APIP: variants seen among roughly 807,000 people sequenced by gnomAD.
APIP encodes the protein methylthioribulose-1-phosphate dehydratase.
Under a neutral mutation model 32.0 loss-of-function variants are expected in APIP, and 32 were observed. The observed-to-expected ratio is 1.00, with a 90% CI of 0.76 to 1.34. The LOEUF (loss-of-function observed/expected upper bound fraction) is 1.34. APIP is among the 40% of genes most tolerant of loss of function. APIP has a pLI of 0.00. For synonymous variants in APIP, 92 were observed against 94.8 expected (o/e 0.97, Z 0.17); for missense variants, 247 against 298.6 (o/e 0.83, Z 1.27).
chr11:34,887,839 C>A (rs1853105048), intron 5 of APIP, among the ~76,000 whole-genome samples: 1 of 151,844 alleles, frequency 6.6e-6, no homozygotes. Flanking sequence ...CTGAAAAATT[C>A]TAAAAATATA....
intron 1 of APIP, among the ~76,000 whole-genome samples, chr11:34,895,473 C>A (rs1853254297): frequency 6.6e-6 from 1 of 152,120 alleles, no homozygotes; most frequent in South Asian, 2.1e-4. Context: ...TTTATTTACA[C>A]AAAACACCTT....
chr11:34,905,910 T>C (rs920172555), intron 1 of APIP, among the ~76,000 whole-genome samples: 4 of 152,200 alleles, frequency 2.6e-5, no homozygotes, highest in African/African-American at 9.6e-5. Context: ...TGACAGCCCT[T>C]GCCACAGGAT....
intron 5 of APIP, among the ~76,000 whole-genome samples, chr11:34,885,635 C>T (rs1853055341): frequency 6.6e-6 from 1 of 152,124 alleles, no homozygotes; most frequent in Non-Finnish European, 1.5e-5. Context: ...AAGACTGCAT[C>T]CTTTGAACAA....
chr11:34,905,269 C>T (rs1853428879), intron 1 of APIP, among the ~76,000 whole-genome samples: 6 of 149,582 alleles, frequency 4.0e-5, no homozygotes. Flanking sequence ...CACCCTTTAG[C>T]TCCTGCAATA....
In APIP at chr11:34,882,749, G is replaced by A; in HGVS notation, c.697C>T (p.Gln233Ter). ...SMKKVGLDPS[Q>*]LPVGENGIV ...ATTCCATTTTCTCCAACTGGGAGCT[G>A]TGAAGGATCAAGTCCTACTTTCTTC... Residue 233 changes from glutamine to a stop codon, truncating the protein, a stop_gained, in exon 7 of 7, where the codon CAG (glutamine) becomes TAG (stop). Transcript: ENST00000395787. LOFTEE classifies it high-confidence loss of function. The A allele has an allele frequency of 3.1e-6, 5 of 1,605,964 alleles. No individual in the cohort carries two copies. Among genetic ancestry groups the A allele is most frequent in the Non-Finnish European group, 4.3e-6 (5 of 1,174,020 alleles).
rs114094616 is a variant in APIP, at chr11:34,886,189, G to A, written c.461+2104C>T. ...CACAGGAGATGACAGCTCCATGCATGTTACTTGCCCCTGAAGACCTTCCAC... is the reference window on the plus strand; with the variant it reads ...CACAGGAGATGACAGCTCCATGCATATTACTTGCCCCTGAAGACCTTCCAC... On this transcript the variant is annotated intron_variant, in intron 5 of 6. Transcript: ENST00000395787. Among the ~76,000 whole-genome samples, 944 of 152,194 alleles carry A rather than the reference G, an allele frequency of 6.2e-3. 8 individuals are homozygous for A. Among genetic ancestry groups the A allele is most frequent in the African/African-American group, 0.022 (917 of 41,520 alleles).
chr11:34,915,915 G>C, intron 1 of APIP: 1 of 475,088 alleles, frequency 2.1e-6, no homozygotes, highest in Non-Finnish European at 3.7e-6. Context: ...TCCTTCTCTG[G>C]CCTGCCTTCC....
chr11:34,892,527 AGT>A (rs1279229083), intron 2 of APIP, among the ~76,000 whole-genome samples: 3 of 93,880 alleles, frequency 3.2e-5, no homozygotes, highest in African/African-American at 5.9e-5. Context: ...CAACAGGATC[AGT>A]CTCTCTGACA....
chr11:34,907,706 G>C (rs1853480879), intron 1 of APIP, among the ~76,000 whole-genome samples: 1 of 151,982 alleles, frequency 6.6e-6, no homozygotes, highest in South Asian at 2.1e-4. Flanking sequence ...GTTAGATCTG[G>C]TTTTCAGTTA....
intron 1 of APIP, among the ~76,000 whole-genome samples, chr11:34,913,503 G>A (rs1853591763): frequency 6.6e-6 from 1 of 152,052 alleles, no homozygotes; most frequent in Non-Finnish European, 1.5e-5. Context: ...CTTAAAGGTG[G>A]CACGCAGGTT....
intron 1 of APIP, among the ~76,000 whole-genome samples, chr11:34,911,893 C>A (rs1853558791): frequency 6.6e-6 from 1 of 152,142 alleles, no homozygotes; most frequent in South Asian, 2.1e-4. Flanking sequence ...CCCCATGCCC[C>A]ACTGCCCATT....
chr11:34,882,417 G>A lies in APIP; in HGVS notation c.*300C>T, dbSNP rs1158150255. On this transcript the variant is annotated 3_prime_UTR_variant, in exon 7 of 7. Coordinates refer to ENST00000395787, the MANE Select transcript of APIP (RefSeq NM_015957.4). The stretch of plus-strand genomic sequence containing the variant: ...CACCAGCATCTTTAAAAATTAAGAG[G>A]AATTCTCTGAGAGTATATATAAAAA... 5.9e-6 allele frequency: 1 copy of A among 168,242 alleles called. No individual in the cohort carries two copies. The highest frequency in any genetic ancestry group is 1.3e-5 in the Non-Finnish European group (1 of 79,022). The allele number at this position is 168,242 out of a possible 1,614,324, so 10.4% of individuals were successfully genotyped here.
chr11:34,909,037 G>A (rs182685265), intron 1 of APIP, among the ~76,000 whole-genome samples: 6 of 152,336 alleles, frequency 3.9e-5, no homozygotes, highest in African/African-American at 1.2e-4. Context: ...CAGTGGTCAA[G>A]AAAGCAAAAG....
At position 34,916,353 on chromosome 11, in the gene APIP, T is replaced by C; in HGVS notation, c.-69A>G. 1 of 1,589,298 alleles carries C rather than the reference T, an allele frequency of 6.3e-7. No homozygotes were observed. Among genetic ancestry groups the C allele is most frequent in the Non-Finnish European group, 8.6e-7 (1 of 1,168,040 alleles). On this transcript the variant is annotated 5_prime_UTR_variant, in exon 1 of 7. Coordinates refer to ENST00000395787, the MANE Select transcript of APIP (RefSeq NM_015957.4). ...TTTGCGCGCGGCGCTTAGCCTGGGA[T>C]ACGGCAGCGAGGCCGCAAATGCAAT...
At chr11:34,901,026 G>A (rs1853362372) in intron 1 of APIP, among the ~76,000 whole-genome samples, 2 of 152,026 alleles carry the variant, frequency 1.3e-5, no homozygotes, top group South Asian at 4.1e-4. Context: ...ATATTAAAAG[G>A]AAACTATAAA....
chr11:34,915,933 T>C (rs551228102), intron 1 of APIP: 4 of 509,136 alleles, frequency 7.9e-6, no homozygotes, highest in South Asian at 5.4e-5. Context: ...TCCTGATAAA[T>C]ACCCGGTGAG....
chr11:34,888,879 G>A lies in APIP; in HGVS notation c.208-10C>T, dbSNP rs765163313. ...CAAACATGTCTTCAGGCTATTTATA[G>A]AGGGGAAAAAAAGAAAAAAAGAAGG... On this transcript the variant is annotated splice_polypyrimidine_tract_variant and intron_variant, in intron 3 of 6. Transcript: ENST00000395787. 2 of 1,443,762 alleles carry A rather than the reference G, an allele frequency of 1.4e-6. No homozygotes were observed. Among genetic ancestry groups the A allele is most frequent in the South Asian group, 1.5e-5 (1 of 65,176 alleles). The allele number at this position is 1,443,762 out of a possible 1,614,324, so 89.4% of individuals were successfully genotyped here.
intron 1 of APIP, among the ~76,000 whole-genome samples, chr11:34,897,797 T>C (rs1233830495): frequency 1.3e-5 from 2 of 152,058 alleles, no homozygotes; most frequent in Non-Finnish European, 2.9e-5. Context: ...ATTTGAATAT[T>C]AAAAGGCTAG....
intron 1 of APIP, among the ~76,000 whole-genome samples, chr11:34,908,604 C>T (rs1853493080): frequency 1.3e-5 from 2 of 152,352 alleles, no homozygotes; most frequent in South Asian, 4.1e-4. Flanking sequence ...GCTTGGACCC[C>T]ACTAGCTGTG....
Sources: gnomAD v4.1 joint callset for allele counts (sites outside exome capture counted in the v4.1 genomes callset) on GRCh38, gnomAD v4.1.1 for gene constraint, MANE v1.5 for transcripts, NCBI Gene and HGNC (gene_info 2026-07-23, HGNC 2026-07-21) for gene names.